Variants in ADCY2 observed in about 807,000 individuals in gnomAD.
The protein encoded by ADCY2 is adenylate cyclase type 2.
In ADCY2, 31 loss-of-function variants were observed where a neutral mutation model predicts 125.2. The observed-to-expected ratio is 0.25, with a 90% CI of 0.19 to 0.33. ADCY2 has a LOEUF of 0.33. ADCY2 is among the 10% of genes least tolerant of loss of function. ADCY2 has a pLI of 1.00. For missense variants in ADCY2, 904 were observed against 1,418.2 expected (o/e 0.64, Z 5.82); for synonymous variants, 512 against 548.4 (o/e 0.93, Z 0.93).
intron 1 of ADCY2, among the ~76,000 whole-genome samples, chr5:7,404,209 T>C (rs539077792): frequency 6.6e-6 from 1 of 152,340 alleles, no homozygotes; most frequent in Non-Finnish European, 1.5e-5. Context: ...TGCTTTATTT[T>C]TGATTTTTAT....
intron 3 of ADCY2, among the ~76,000 whole-genome samples, chr5:7,580,327 T>A (rs1343517188): frequency 6.6e-6 from 1 of 152,190 alleles, no homozygotes; most frequent in Non-Finnish European, 1.5e-5. Flanking sequence ...ATAATTAAGT[T>A]TTTAAAAAGG....
intron 1 of ADCY2, among the ~76,000 whole-genome samples, chr5:7,397,313 G>A (rs1259361319): frequency 6.6e-6 from 1 of 152,148 alleles, no homozygotes; most frequent in Admixed American, 6.5e-5. Flanking sequence ...TCGCTCCCTT[G>A]AAAAGTGAGG....
At chr5:7,807,118 C>T (rs1172352435) in intron 22 of ADCY2, among the ~76,000 whole-genome samples, 2 of 152,126 alleles carry the variant, frequency 1.3e-5, no homozygotes, top group South Asian at 4.1e-4. Context: ...GGGAGATCTT[C>T]CGAGGCACCA....
At chr5:7,501,658 C>CCCG (rs1554014577) in intron 2 of ADCY2, among the ~76,000 whole-genome samples, 1 of 115,618 alleles carries the variant, frequency 8.6e-6, no homozygotes, top group African/African-American at 3.1e-5. Flanking sequence ...CCCCCCCCCC[C>CCCG]GCCAGTAACT....
intron 24 of ADCY2, among the ~76,000 whole-genome samples, chr5:7,825,144 A>ACAACGC (rs1561048328): frequency 0.01 from 1,506 of 145,648 alleles, 80 homozygotes; most frequent in African/African-American, 0.04. Flanking sequence ...GTGTCCCATA[A>ACAACGC]TAACGCTGCT....
chr5:7,459,521 T>C (rs1741833103), intron 2 of ADCY2, among the ~76,000 whole-genome samples: 1 of 152,152 alleles, frequency 6.6e-6, no homozygotes, highest in Non-Finnish European at 1.5e-5. Flanking sequence ...CTCCAAGCAG[T>C]GGGTCTTGTT....
At chr5:7,401,937 C>G (rs942788465) in intron 1 of ADCY2, among the ~76,000 whole-genome samples, 2 of 152,170 alleles carry the variant, frequency 1.3e-5, no homozygotes, top group African/African-American at 2.4e-5. Context: ...ATATTGACAT[C>G]GAGACAATTC....
At chr5:7,552,296 A>T (rs1219235435) in intron 3 of ADCY2, among the ~76,000 whole-genome samples, 1 of 152,176 alleles carries the variant, frequency 6.6e-6, no homozygotes, top group African/African-American at 2.4e-5. Flanking sequence ...ATTGTTTTTT[A>T]AAAAATCCAT....
intron 2 of ADCY2, among the ~76,000 whole-genome samples, chr5:7,476,031 A>G (rs944694251): frequency 2.6e-5 from 4 of 152,310 alleles, no homozygotes; most frequent in African/African-American, 9.6e-5. Context: ...ATCAGAGAGG[A>G]GTAGACAGAC....
At chr5:7,427,264 C>T (rs1005023301) in intron 2 of ADCY2, among the ~76,000 whole-genome samples, 1 of 152,140 alleles carries the variant, frequency 6.6e-6, no homozygotes, top group Admixed American at 6.5e-5. Context: ...GAATTAGGAG[C>T]CCACCTGTAT....
chr5:7,641,951 G>A (rs529489610), intron 4 of ADCY2, among the ~76,000 whole-genome samples: 1 of 152,204 alleles, frequency 6.6e-6, no homozygotes, highest in South Asian at 2.1e-4. Context: ...TAGATTCCAT[G>A]TCTTTGTGAC....
chr5:7,591,855 C>A (rs1736858516), intron 3 of ADCY2, among the ~76,000 whole-genome samples: 1 of 152,172 alleles, frequency 6.6e-6, no homozygotes, highest in Non-Finnish European at 1.5e-5. Flanking sequence ...ATTTTCCTGG[C>A]TGCTGGTGAG....
chr5:7,715,563 T>C (rs929155579), intron 11 of ADCY2, among the ~76,000 whole-genome samples: 2 of 152,174 alleles, frequency 1.3e-5, no homozygotes, highest in Non-Finnish European at 2.9e-5. Flanking sequence ...GCTTTTTTTT[T>C]TTTTTAAGGA....
rs942691664 is a variant in ADCY2, at chr5:7,765,934, C to T, written c.2095-753C>T. 4.6e-5 allele frequency among the ~76,000 whole-genome samples: 7 copies of T among 151,484 alleles called. No individual in the cohort carries two copies. The East Asian group carries it at 5.8e-4, about 13-fold the overall frequency. ...CAGCTTCTGTAGGACAGACAGCGAG[C>T]GAGCGAGAGAGAGAGAGAGGATGAG... On this transcript the variant is annotated intron_variant, in intron 16 of 24. Transcript: ENST00000338316.
At chr5:7,809,203 T>G (rs1744857329) in intron 22 of ADCY2, among the ~76,000 whole-genome samples, 1 of 152,180 alleles carries the variant, frequency 6.6e-6, no homozygotes, top group East Asian at 1.9e-4. Flanking sequence ...AGATAAGAGT[T>G]TTAGGACATT....
intron 2 of ADCY2, among the ~76,000 whole-genome samples, chr5:7,442,868 T>C (rs1741065841): frequency 6.6e-6 from 1 of 152,192 alleles, no homozygotes; most frequent in African/African-American, 2.4e-5. Context: ...GCTTTCTTTT[T>C]GGAGGGCATC....
chr5:7,665,828 C>CTTTTTTTTTTTTTTTTTTTTTTTTTTT (rs70940750), intron 4 of ADCY2, among the ~76,000 whole-genome samples: 1 of 38,618 alleles, frequency 2.6e-5, no homozygotes. Flanking sequence ...TAATTTAATT[C>CTTTTTTTTTTTTTTTTTTTTTTTTTTT]TTTTTTTTTT....
intron 3 of ADCY2, among the ~76,000 whole-genome samples, chr5:7,603,725 A>G (rs1453267869): frequency 8.0e-6 from 1 of 124,954 alleles, no homozygotes. Flanking sequence ...GGGCCAGTGA[A>G]GGTTCCAGTA....
intron 20 of ADCY2, chr5:7,795,743 A>T (rs1744399415): frequency 6.6e-6 from 1 of 152,266 alleles, no homozygotes; most frequent in Admixed American, 6.5e-5. Context: ...GTTTGGTTCC[A>T]GACCTCTGCA....
Sources: allele counts gnomAD v4.1 joint callset (sites outside exome capture counted in the v4.1 genomes callset), GRCh38; gene constraint gnomAD v4.1.1; transcripts MANE v1.5; gene names NCBI Gene and HGNC (gene_info 2026-07-23, HGNC 2026-07-21).